USP34: variants seen among roughly 807,000 people sequenced by gnomAD.
USP34 encodes ubiquitin specific peptidase 34, also known as ubiquitin carboxyl-terminal hydrolase 34.
Under a neutral mutation model 460.3 loss-of-function variants are expected in USP34, and 70 were observed. That is an observed-to-expected ratio of 0.15 (90% CI 0.13 to 0.19). USP34 has a LOEUF of 0.19. USP34 is among the 10% of genes least tolerant of loss of function. The probability of loss-of-function intolerance (pLI) is 1.00; values close to 1 mark genes in which losing one functional copy is unlikely to be tolerated. For synonymous variants in USP34, 1,647 were observed against 1,405.3 expected (o/e 1.17, Z -3.85); for missense variants, 3,985 against 4,236.2 (o/e 0.94, Z 1.65).
chr2:61,465,523 C>A (rs1019868698), intron 1 of USP34, among the ~76,000 whole-genome samples: 1 of 152,224 alleles, frequency 6.6e-6, no homozygotes, highest in Admixed American at 6.5e-5. Context: ...ATACTACCCA[C>A]ACTTGTGTCT....
intron 62 of USP34, among the ~76,000 whole-genome samples, chr2:61,224,321 C>T (rs990347276): frequency 6.6e-6 from 1 of 152,168 alleles, no homozygotes; most frequent in Non-Finnish European, 1.5e-5. Context: ...CCTTATGGTG[C>T]TGTCTTAACA....
intron 75 of USP34, among the ~76,000 whole-genome samples, chr2:61,201,234 T>TTA (rs1686967969): frequency 1.5e-5 from 2 of 130,640 alleles, no homozygotes; most frequent in Non-Finnish European, 3.3e-5. Flanking sequence ...TTTTTTTTTT[T>TTA]GAGACTGGGT....
chr2:61,319,375 A>C, intron 21 of USP34, 48 bp from the exon 22 acceptor site: 1 of 1,376,320 alleles, frequency 7.3e-7, no homozygotes, highest in Non-Finnish European at 9.6e-7. Context: ...CATACAAAAA[A>C]ATTAAACTTC....
chr2:61,301,573 G>A (rs1690226033), intron 27 of USP34, 119 bp from the exon 28 acceptor site: 8 of 880,108 alleles, frequency 9.1e-6, no homozygotes, highest in Middle Eastern at 4.9e-4. Context: ...GTAATCTAAG[G>A]TAAAGACAGA....
intron 58 of USP34, among the ~76,000 whole-genome samples, chr2:61,231,550 C>CA (rs1362896679): frequency 2.6e-5 from 4 of 151,766 alleles, no homozygotes; most frequent in East Asian, 1.9e-4. Flanking sequence ...ACTCTCTCTA[C>CA]AAAAAAATAC....
intron 41 of USP34, among the ~76,000 whole-genome samples, chr2:61,276,248 G>A (rs1053764249): frequency 6.6e-6 from 1 of 152,124 alleles, no homozygotes; most frequent in African/African-American, 2.4e-5. Context: ...ATAAACTACG[G>A]ATTAAAATCA....
intron 5 of USP34, among the ~76,000 whole-genome samples, chr2:61,387,591 TTATA>T (rs1336870374): frequency 6.8e-6 from 1 of 147,254 alleles, no homozygotes. Context: ...ATATATATAT[TTATA>T]TATACACACA....
At chr2:61,432,787 A>C (rs553489442) in intron 1 of USP34, among the ~76,000 whole-genome samples, 1 of 152,092 alleles carries the variant, frequency 6.6e-6, no homozygotes, top group African/African-American at 2.4e-5. Flanking sequence ...TGATGGGTAC[A>C]TAAGTGTTCA....
At chr2:61,315,025 A>G (rs1690700078) in intron 23 of USP34, 51 bp from the exon 24 acceptor site, 1 of 1,353,412 alleles carries the variant, frequency 7.4e-7, no homozygotes. Flanking sequence ...AAACTATGTA[A>G]CTCATTAAGA....
intron 5 of USP34, among the ~76,000 whole-genome samples, chr2:61,389,099 A>G (rs983872418): frequency 1.3e-5 from 2 of 152,220 alleles, no homozygotes; most frequent in Non-Finnish European, 2.9e-5. Context: ...GTTTAGGGAT[A>G]TAAGATTAGG....
At chr2:61,464,278 C>T (rs1293693756) in intron 1 of USP34, among the ~76,000 whole-genome samples, 2 of 152,174 alleles carry the variant, frequency 1.3e-5, no homozygotes, top group Non-Finnish European at 2.9e-5. Context: ...GAGATCGTGC[C>T]ATTGCACTGC....
intron 57 of USP34, among the ~76,000 whole-genome samples, chr2:61,235,324 T>C (rs1002549837): frequency 2.2e-5 from 2 of 88,926 alleles, no homozygotes; most frequent in Admixed American, 4.0e-4. Context: ...AAAAATTTTT[T>C]TTTCTTTTTT....
At chr2:61,345,543 T>C (rs141819021) in intron 15 of USP34, among the ~76,000 whole-genome samples, 12 of 152,324 alleles carry the variant, frequency 7.9e-5, no homozygotes, top group African/African-American at 2.6e-4. Flanking sequence ...ATGATAAATA[T>C]ACAGCTAACA....
intron 25 of USP34, among the ~76,000 whole-genome samples, chr2:61,313,077 A>T (rs919605996): frequency 5.3e-5 from 8 of 151,948 alleles, no homozygotes; most frequent in Non-Finnish European, 1.5e-5. Context: ...ACCTAAGTAA[A>T]TTTTTTTTAA....
chr2:61,355,586 G>A (rs553546939), intron 10 of USP34, among the ~76,000 whole-genome samples: 5 of 151,870 alleles, frequency 3.3e-5, no homozygotes, highest in Non-Finnish European at 7.4e-5. Flanking sequence ...AAAATTAAAA[G>A]GAAATCGAAC....
intron 7 of USP34, among the ~76,000 whole-genome samples, chr2:61,378,912 C>CAAAAAAAAAAAAAA (rs1491197501): frequency 8.1e-4 from 7 of 8,626 alleles, no homozygotes; most frequent in Admixed American, 1.4e-3. Flanking sequence ...CTCAAAAAAA[C>CAAAAAAAAAAAAAA]GAAAAAAAAA....
Position 61,428,418 on chromosome 2 carries a change from A to T in USP34, c.44-7585T>A, listed in dbSNP as rs77414029. Among the ~76,000 whole-genome samples, 963 of 152,318 alleles carry T rather than the reference A, an allele frequency of 6.3e-3. 6 individuals are homozygous for T. The highest frequency in any genetic ancestry group is 0.022 in the African/African-American group (918 of 41,558). ...CTGATACAGATAGTCCACCTAATCA[A>T]AGAAAAAAGTGACAGGATTAGTTTT... is the stretch of plus-strand genomic sequence containing the variant. On this transcript the variant is annotated intron_variant, in intron 1 of 79. Transcript: ENST00000398571.
chr2:61,378,602 T>C (rs879351865), intron 7 of USP34, among the ~76,000 whole-genome samples, 178 bp from the exon 8 acceptor site: 2 of 152,088 alleles, frequency 1.3e-5, no homozygotes, highest in African/African-American at 2.4e-5. Context: ...ACTATTTCTG[T>C]TATATTAAAA....
intron 1 of USP34, among the ~76,000 whole-genome samples, chr2:61,437,381 T>C (rs746321594): frequency 6.6e-6 from 1 of 152,162 alleles, no homozygotes; most frequent in African/African-American, 2.4e-5. Context: ...AAAGGATCAT[T>C]AGAGACTGCT....
Sources: allele counts gnomAD v4.1 joint callset (sites outside exome capture counted in the v4.1 genomes callset), GRCh38; gene constraint gnomAD v4.1.1; transcripts MANE v1.5; gene names NCBI Gene and HGNC (gene_info 2026-07-23, HGNC 2026-07-21).